The following FBXO22 variants were observed in gnomAD, a reference collection of about 807,000 sequenced individuals.
FBXO22 encodes the protein F-box protein 22, also known as F-box only protein 22.
In FBXO22, 13 loss-of-function variants were observed where a neutral mutation model predicts 37.2. The observed-to-expected ratio is 0.35, with a 90% CI of 0.23 to 0.56. FBXO22 has a LOEUF of 0.56. FBXO22 is among the 20% of genes least tolerant of loss of function. The pLI, the probability that FBXO22 is intolerant of heterozygous loss-of-function variation, is 0.87. For missense variants in FBXO22, 446 were observed against 509.9 expected (o/e 0.87, Z 1.21); for synonymous variants, 189 against 189.1 (o/e 1.00, Z 0.00).
chr15:75,930,390 T>C, intron 6 of FBXO22: 1 of 1,153,246 alleles, frequency 8.7e-7, no homozygotes, highest in Non-Finnish European at 1.1e-6. Flanking sequence ...AGGAAACACA[T>C]GGTTAGAGTG....
rs930107121 is a variant in FBXO22 at position 75,938,695 on chromosome 15, G to A, written c.*5593G>A. The stretch of plus-strand genomic sequence containing the variant: ...AGAAAGAATCAGCAAACTTGAGATG[G>A]GATCACTGAAAGCAGAAACAACAAA... On this transcript the variant is annotated 3_prime_UTR_variant, in exon 7 of 7. Transcript: ENST00000308275. 2.0e-5 allele frequency: 3 copies of A among 152,074 alleles called. No individual in the cohort carries two copies. Among genetic ancestry groups the A allele is most frequent in the African/African-American group, 7.2e-5 (3 of 41,400 alleles). 9.4% of individuals were successfully genotyped at this position (152,074 alleles called of 1,614,324 possible). A position where few individuals can be genotyped will look rare whatever the true frequency, so the allele number is the denominator to read the frequency against.
chr15:75,932,767 A>G lies in FBXO22; in HGVS notation c.877A>G (p.Asn293Asp). The G allele has an allele frequency of 6.2e-7, 1 of 1,614,252 alleles. No homozygotes were observed. The highest frequency in any genetic ancestry group is 8.5e-7 in the Non-Finnish European group (1 of 1,180,038). The stretch of plus-strand genomic sequence containing the variant: ...AATCCAGAGTGCCACTGTGCTCCTC[A>G]ACGAGGACGTCAGTGATGAGAAGAC... The part of the protein sequence containing the change: ...HRIQSATVLL[N>D]EDVSDEKTAE... Residue 293 changes from asparagine (N) to aspartate (D), a missense_variant, in exon 7 of 7, where the codon AAC becomes GAC. This residue lies in a region of FBXO22 where 315 missense variants were observed against 410.1 expected (regional missense o/e 0.77). Coordinates refer to ENST00000308275, the MANE Select transcript of FBXO22 (RefSeq NM_147188.3).
intron 6 of FBXO22, chr15:75,930,965 C>T (rs1259453713): frequency 3.3e-5 from 21 of 637,608 alleles, no homozygotes; most frequent in Admixed American, 6.3e-5. Flanking sequence ...GTTGAGGTCC[C>T]TGGACTGCCA....
chr15:75,922,389 G>C (rs942111846), intron 5 of FBXO22, among the ~76,000 whole-genome samples: 2 of 152,206 alleles, frequency 1.3e-5, no homozygotes, highest in African/African-American at 2.4e-5. Flanking sequence ...GTAGATTGCT[G>C]TAGGGGTTCT....
In FBXO22 at chr15:75,937,597, G is replaced by GAATGCCC. The variant is rs1404003347; in HGVS notation, c.*4499_*4505dup. 7 of 144,402 alleles carry GAATGCCC rather than the reference G, an allele frequency of 4.8e-5. No homozygotes were observed. The highest frequency in any genetic ancestry group is 9.0e-5 in the Non-Finnish European group (6 of 66,996). 8.9% of individuals were successfully genotyped at this position (144,402 alleles called of 1,614,324 possible). ...AGTCAAAGGTTTACAGCAACCAAAA[G>GAATGCCC]AATGCCCAATCATCTGCAGAATGGT... On this transcript the variant is annotated 3_prime_UTR_variant, in exon 7 of 7. Transcript: ENST00000308275.
chr15:75,918,502 T>C (rs920609803), intron 5 of FBXO22, among the ~76,000 whole-genome samples: 1 of 152,130 alleles, frequency 6.6e-6, no homozygotes, highest in Non-Finnish European at 1.5e-5. Flanking sequence ...GTGTAGCTAT[T>C]AAGAATGCTG....
At chr15:75,923,774 A>T (rs1209728609) in intron 5 of FBXO22, among the ~76,000 whole-genome samples, 2 of 152,164 alleles carry the variant, frequency 1.3e-5, no homozygotes, top group East Asian at 1.9e-4. Context: ...AATTTTTTTT[A>T]AAAAGTATAT....
chr15:75,934,355 T>G lies in FBXO22; in HGVS notation c.*1253T>G, dbSNP rs868819381. The G allele has an allele frequency of 6.6e-6, 1 of 152,210 alleles. No homozygotes were observed. The highest frequency in any genetic ancestry group is 1.5e-5 in the Non-Finnish European group (1 of 68,036). The allele number at this position is 152,210 out of a possible 1,614,324, so 9.4% of individuals were successfully genotyped here. A position where few individuals can be genotyped will look rare whatever the true frequency, so the allele number is the denominator to read the frequency against. ...GAAACACCATAAGTGGCGTGGACTA[T>G]CTACCTCCAGACTGTTTTACAAGAG... On this transcript the variant is annotated 3_prime_UTR_variant, in exon 7 of 7. Transcript: ENST00000308275.
intron 5 of FBXO22, among the ~76,000 whole-genome samples, chr15:75,918,345 C>A (rs1900236499): frequency 6.6e-6 from 1 of 151,006 alleles, no homozygotes; most frequent in Admixed American, 6.6e-5. Context: ...ACTTGCAAGT[C>A]ATTGGTGGAT....
chr15:75,904,384 T>A, intron 1 of FBXO22, 107 bp from the exon 2 acceptor site: 3 of 1,533,612 alleles, frequency 2.0e-6, no homozygotes, highest in Non-Finnish European at 2.7e-6. Flanking sequence ...GGACTTTGGA[T>A]CCCGCAGGGA....
At position 75,917,381 on chromosome 15, in the gene FBXO22, A is replaced by G. The variant is rs2141713033; in HGVS notation, c.615A>G (p.Gln205=). ...DPKNLTLERH[Q]LTEVGLLDNP... Reference sequence around the variant, plus strand: ...AGAATTTAACATTAGAAAGACATCAACTCACTGAAGTAGGTAAGTTACTTT... The same window carrying G: ...AGAATTTAACATTAGAAAGACATCAGCTCACTGAAGTAGGTAAGTTACTTT... The change falls in exon 5 of 7, where the codon CAA becomes CAG. Residue 205 remains glutamine (Q), a synonymous_variant. Transcript: ENST00000308275. The G allele has an allele frequency of 6.3e-7, 1 of 1,587,574 alleles. No homozygotes were observed. Among genetic ancestry groups the G allele is most frequent in the South Asian group, 1.1e-5 (1 of 89,172 alleles).
intron 5 of FBXO22, among the ~76,000 whole-genome samples, chr15:75,919,136 T>C (rs765060986): frequency 6.6e-6 from 1 of 151,862 alleles, no homozygotes; most frequent in Admixed American, 6.6e-5. Context: ...GCCTGGCTAA[T>C]TTTTTTTGTC....
At chr15:75,921,683 T>G (rs1022763748) in intron 5 of FBXO22, among the ~76,000 whole-genome samples, 2 of 152,178 alleles carry the variant, frequency 1.3e-5, no homozygotes, top group African/African-American at 4.8e-5. Context: ...AAATTGTTCT[T>G]TAATAATAAA....
intron 5 of FBXO22, among the ~76,000 whole-genome samples, chr15:75,925,862 A>G (rs1342598944): frequency 6.6e-6 from 1 of 152,100 alleles, no homozygotes; most frequent in African/African-American, 2.4e-5. Flanking sequence ...AAAATTCCTA[A>G]GAGGATGGGG....
chr15:75,911,749 G>C (rs982081393), intron 2 of FBXO22, among the ~76,000 whole-genome samples: 1 of 151,286 alleles, frequency 6.6e-6, no homozygotes, highest in East Asian at 1.9e-4. Flanking sequence ...ATTTGAATAT[G>C]CTTTATTCTT....
At chr15:75,931,290 A>G (rs1248428916) in intron 6 of FBXO22, among the ~76,000 whole-genome samples, 1 of 152,078 alleles carries the variant, frequency 6.6e-6, no homozygotes, top group Non-Finnish European at 1.5e-5. Flanking sequence ...CACCCCAATC[A>G]TTACTCTTCA....
chr15:75,929,756 T>C (rs766455332), intron 5 of FBXO22, 128 bp from the exon 6 acceptor site: 3 of 967,896 alleles, frequency 3.1e-6, no homozygotes, highest in South Asian at 1.9e-5. Flanking sequence ...AATGGAAAAT[T>C]TGATAGCTTA....
intron 2 of FBXO22, among the ~76,000 whole-genome samples, chr15:75,904,969 G>T (rs560400559): frequency 6.6e-6 from 1 of 151,936 alleles, no homozygotes; most frequent in African/African-American, 2.4e-5. Flanking sequence ...GACTACAGGC[G>T]CCCGCCACCA....
In FBXO22 at chr15:75,933,595, A is replaced by G. The variant is rs569131406; in HGVS notation, c.*493A>G. The G allele has an allele frequency of 1.8e-4, 29 of 161,446 alleles. No homozygotes were observed. Among genetic ancestry groups the G allele is most frequent in the Middle Eastern group, 3.2e-3 (1 of 310 alleles). The allele number at this position is 161,446 out of a possible 1,614,324, so 10.0% of individuals were successfully genotyped here. On this transcript the variant is annotated 3_prime_UTR_variant, in exon 7 of 7. Transcript: ENST00000308275. ...AGTTTTATGAATTTTTTCAGAAGTA[A>G]CAATATTATTATTGACTTTTTACTT...
Sources: allele counts gnomAD v4.1 joint callset (sites outside exome capture counted in the v4.1 genomes callset), GRCh38; gene constraint gnomAD v4.1.1; regional missense constraint gnomAD v4.1.1; transcripts MANE v1.5; gene names NCBI Gene and HGNC (gene_info 2026-07-23, HGNC 2026-07-21).